Variants in SGCZ observed in about 807,000 individuals in gnomAD.
SGCZ encodes the protein zeta-sarcoglycan.
Under a neutral mutation model 41.3 loss-of-function variants are expected in SGCZ, and 40 were observed. That is an observed-to-expected ratio of 0.97 (90% CI 0.75 to 1.26). SGCZ has a LOEUF of 1.26. Ranked by LOEUF, SGCZ falls within the 50% of genes most tolerant of loss-of-function variation. SGCZ has a pLI of 0.00. For missense variants in SGCZ, 552 were observed against 369.8 expected (o/e 1.49, Z -4.04); for synonymous variants, 206 against 137.5 (o/e 1.50, Z -3.49).
intron 1 of SGCZ, among the ~76,000 whole-genome samples, chr8:14,900,209 T>A (rs1262849462): frequency 6.6e-6 from 1 of 152,082 alleles, no homozygotes; most frequent in Non-Finnish European, 1.5e-5. Flanking sequence ...TTTAAAAAAT[T>A]AAAATAAACA....
intron 1 of SGCZ, among the ~76,000 whole-genome samples, chr8:14,807,411 TG>T (rs1801575583): frequency 6.6e-6 from 1 of 152,052 alleles, no homozygotes; most frequent in African/African-American, 2.4e-5. Flanking sequence ...TGAGCAAAAA[TG>T]ACAGGCATTC....
intron 1 of SGCZ, among the ~76,000 whole-genome samples, chr8:14,835,671 G>T (rs559792324): frequency 1.3e-5 from 2 of 152,262 alleles, no homozygotes; most frequent in South Asian, 4.1e-4. Context: ...CATTACTTAT[G>T]TTTGCTGCGC....
intron 1 of SGCZ, among the ~76,000 whole-genome samples, chr8:14,894,873 C>T (rs377315344): frequency 5.0e-4 from 76 of 152,066 alleles, no homozygotes; most frequent in African/African-American, 1.7e-3. Flanking sequence ...GCAGGAGACA[C>T]AAACAATTCA....
chr8:14,327,263 G>A (rs1193973790), intron 2 of SGCZ, among the ~76,000 whole-genome samples: 3 of 152,250 alleles, frequency 2.0e-5, no homozygotes, highest in Admixed American at 6.5e-5. Context: ...ACACCCCAGG[G>A]GTGGAGGTAG....
At chr8:15,094,349 G>C (rs1483274845) in intron 1 of SGCZ, among the ~76,000 whole-genome samples, 2 of 152,118 alleles carry the variant, frequency 1.3e-5, no homozygotes, top group African/African-American at 4.8e-5. Flanking sequence ...TGGCCAGGCT[G>C]ATCTCGGACT....
At chr8:14,154,848 A>G (rs1052747995) in intron 5 of SGCZ, among the ~76,000 whole-genome samples, 7 of 152,138 alleles carry the variant, frequency 4.6e-5, no homozygotes, top group Admixed American at 3.9e-4. Context: ...AGTCCTATCT[A>G]AGGTCTCTGA....
At chr8:14,985,268 AG>A (rs1199395458) in intron 1 of SGCZ, among the ~76,000 whole-genome samples, 2 of 152,176 alleles carry the variant, frequency 1.3e-5, no homozygotes, top group Non-Finnish European at 2.9e-5. Flanking sequence ...GAGAGAATAA[AG>A]CATCCAAAAT....
chr8:14,802,931 C>T (rs1044828763), intron 1 of SGCZ, among the ~76,000 whole-genome samples: 1 of 152,166 alleles, frequency 6.6e-6, no homozygotes, highest in Non-Finnish European at 1.5e-5. Flanking sequence ...GCAGCAGGAC[C>T]TTATAAAACT....
chr8:14,654,292 G>A (rs1807491938), intron 1 of SGCZ, among the ~76,000 whole-genome samples: 1 of 151,756 alleles, frequency 6.6e-6, no homozygotes, highest in Non-Finnish European at 1.5e-5. Flanking sequence ...CACCTCGGGA[G>A]GAATCCCAGT....
chr8:14,353,509 G>A (rs1244602616), intron 2 of SGCZ, among the ~76,000 whole-genome samples: 1 of 152,032 alleles, frequency 6.6e-6, no homozygotes, highest in Non-Finnish European at 1.5e-5. Context: ...AATTTAAGGT[G>A]TCTTCCCCAT....
At chr8:15,002,091 G>C (rs571842370) in intron 1 of SGCZ, among the ~76,000 whole-genome samples, 2 of 152,134 alleles carry the variant, frequency 1.3e-5, no homozygotes, top group African/African-American at 4.8e-5. Flanking sequence ...GCAGTCAAAT[G>C]TGCTTTAAAA....
intron 1 of SGCZ, among the ~76,000 whole-genome samples, chr8:14,916,518 A>G (rs1279576194): frequency 1.3e-5 from 2 of 151,952 alleles, no homozygotes; most frequent in Non-Finnish European, 2.9e-5. Context: ...CACTTACCAC[A>G]TGAGTAAACC....
At chr8:14,103,247 A>ACTAT (rs1291646717) in intron 6 of SGCZ, among the ~76,000 whole-genome samples, 13 of 151,192 alleles carry the variant, frequency 8.6e-5, no homozygotes, top group South Asian at 6.4e-4. Flanking sequence ...CAGTTTTCAA[A>ACTAT]CTATCTTCAA....
At chr8:15,217,923 C>G (rs1168869463) in intron 1 of SGCZ, among the ~76,000 whole-genome samples, 1 of 152,070 alleles carries the variant, frequency 6.6e-6, no homozygotes, top group African/African-American at 2.4e-5. Flanking sequence ...CCCATCTCTA[C>G]TAAAATACAA....
intron 2 of SGCZ, among the ~76,000 whole-genome samples, chr8:14,470,073 T>A (rs75231229): frequency 0.036 from 5,421 of 152,148 alleles, 297 homozygotes; most frequent in African/African-American, 0.12. Context: ...TCTGAAGCAG[T>A]GCAGTCTTGA....
intron 1 of SGCZ, among the ~76,000 whole-genome samples, chr8:15,166,041 A>C (rs927313912): frequency 1.3e-5 from 2 of 152,210 alleles, no homozygotes; most frequent in African/African-American, 4.8e-5. Flanking sequence ...ATTCTATTTC[A>C]TAATATCGAG....
At chr8:14,439,131 C>T (rs982588217) in intron 2 of SGCZ, among the ~76,000 whole-genome samples, 13 of 151,836 alleles carry the variant, frequency 8.6e-5, no homozygotes, top group African/African-American at 3.1e-4. Context: ...TGGGCTCTGC[C>T]TTTGACCGTG....
chr8:14,745,118 TCA>T (rs1423572322), intron 1 of SGCZ, among the ~76,000 whole-genome samples: 1 of 152,194 alleles, frequency 6.6e-6, no homozygotes, highest in African/African-American at 2.4e-5. Flanking sequence ...ACTGTAAGTT[TCA>T]GTTTCACTGT....
At chr8:14,778,913 A>G (rs1376340914) in intron 1 of SGCZ, among the ~76,000 whole-genome samples, 1 of 152,216 alleles carries the variant, frequency 6.6e-6, no homozygotes, top group Non-Finnish European at 1.5e-5. Context: ...CACATTAGGA[A>G]TATCTTATAA....
Sources: allele counts gnomAD v4.1 joint callset (sites outside exome capture counted in the v4.1 genomes callset), GRCh38; gene constraint gnomAD v4.1.1; transcripts MANE v1.5; gene names NCBI Gene and HGNC (gene_info 2026-07-23, HGNC 2026-07-21).